The following EIF4G3 variants were observed in gnomAD, a reference collection of about 807,000 sequenced individuals.
The protein encoded by EIF4G3 is eukaryotic translation initiation factor 4 gamma 3, also known as eIF-4-gamma 3.
Under a neutral mutation model 186.4 loss-of-function variants are expected in EIF4G3, and 34 were observed. The observed-to-expected ratio is 0.18, with a 90% CI of 0.14 to 0.24. EIF4G3 has a LOEUF of 0.24. EIF4G3 is among the 10% of genes least tolerant of loss of function. The pLI is 1.00. For missense variants in EIF4G3, 1,536 were observed against 1,948.5 expected, an observed-to-expected ratio of 0.79 and a Z score of 3.99; for synonymous variants, 673 against 679.5, an observed-to-expected ratio of 0.99 and a Z score of 0.15.
intron 14 of EIF4G3, among the ~76,000 whole-genome samples, chr1:20,925,875 C>T (rs765573720): frequency 6.6e-5 from 10 of 152,124 alleles, no homozygotes; most frequent in African/African-American, 2.2e-4. Flanking sequence ...AAGGTGATTC[C>T]GAGGTTACAT....
In EIF4G3 at chr1:20,978,526, G is replaced by A. The variant is rs190623199; in HGVS notation, c.493+1808C>T. On this transcript the variant is annotated intron_variant, in intron 10 of 36. Transcript: ENST00000602326. ...GATTCCAGAAATTAACAATTCATAA[G>A]ATTTAAATTGCAAGCCATTCTGAAT... 2.0e-5 allele frequency among the ~76,000 whole-genome samples: 3 copies of A among 152,182 alleles called. No individual in the cohort carries two copies. The East Asian group carries it at 5.8e-4, about 29-fold the overall frequency.
intron 34 of EIF4G3, among the ~76,000 whole-genome samples, chr1:20,814,756 T>TCC (rs771917267): frequency 1.7e-4 from 4 of 23,656 alleles, no homozygotes; most frequent in African/African-American, 3.6e-4. Context: ...CATCTCCCCC[T>TCC]CCCCCTCCCC....
intron 2 of EIF4G3, among the ~76,000 whole-genome samples, chr1:21,145,160 T>C (rs1391034970): frequency 6.6e-6 from 1 of 152,144 alleles, no homozygotes; most frequent in Non-Finnish European, 1.5e-5. Context: ...TCAGTGTATT[T>C]AGTATTTTGC....
At chr1:20,913,800 A>ATTTTTT (rs68098768) in intron 14 of EIF4G3, among the ~76,000 whole-genome samples, 20 of 75,686 alleles carry the variant, frequency 2.6e-4, no homozygotes, top group African/African-American at 3.7e-4. Flanking sequence ...AATTATTAGA[A>ATTTTTT]TTTTTTTTTT....
At chr1:20,941,190 C>G in intron 14 of EIF4G3, 3 of 1,486,130 alleles carry the variant, frequency 2.0e-6, no homozygotes, top group Non-Finnish European at 2.7e-6. Context: ...CATTGAGAAA[C>G]CAATTCATAT....
intron 13 of EIF4G3, among the ~76,000 whole-genome samples, chr1:20,944,234 G>T (rs1307503392): frequency 6.6e-6 from 1 of 151,940 alleles, no homozygotes; most frequent in African/African-American, 2.4e-5. Context: ...TAAAAATAGG[G>T]CAGGGTGTGA....
chr1:21,131,838 C>T (rs1051431410), intron 2 of EIF4G3, among the ~76,000 whole-genome samples: 2 of 151,918 alleles, frequency 1.3e-5, no homozygotes, highest in Non-Finnish European at 2.9e-5. Context: ...CAGGTGTGGT[C>T]ATGTGTGCCT....
chr1:20,964,659 T>C (rs2074212389), intron 12 of EIF4G3, among the ~76,000 whole-genome samples: 1 of 152,218 alleles, frequency 6.6e-6, no homozygotes, highest in African/African-American at 2.4e-5. Context: ...GCATCCACTT[T>C]TAGGGCTAGC....
rs752588872 is a variant in EIF4G3, at chr1:21,090,323, TTAAAG to T, written c.-271-1115_-271-1111del. ...ATTTGATGGTTAAAGACTCTGATTATTAAAGTACTCACTACATACATGCTACAACA... is the reference window on the plus strand; with the variant it reads ...ATTTGATGGTTAAAGACTCTGATTATTACTCACTACATACATGCTACAACA... On this transcript the variant is annotated intron_variant, in intron 2 of 36. Transcript: ENST00000602326. 3.9e-5 allele frequency among the ~76,000 whole-genome samples: 6 copies of T among 152,350 alleles called. No homozygotes were observed. In the East Asian group the frequency reaches 1.2e-3, roughly 29 times the overall value.
At chr1:20,999,185 A>T (rs1378644529) in intron 6 of EIF4G3, among the ~76,000 whole-genome samples, 2 of 152,214 alleles carry the variant, frequency 1.3e-5, no homozygotes, top group Admixed American at 1.3e-4. Context: ...TTAATGACCT[A>T]CAAGCTTGGG....
chr1:21,164,021 G>A (rs981533071), intron 2 of EIF4G3, among the ~76,000 whole-genome samples: 18 of 152,050 alleles, frequency 1.2e-4, no homozygotes, highest in Admixed American at 3.9e-4. Context: ...TGATCTGCCC[G>A]CCTCAGCCTC....
intron 3 of EIF4G3, among the ~76,000 whole-genome samples, chr1:21,058,711 C>A (rs2094699812): frequency 8.1e-6 from 1 of 122,740 alleles, no homozygotes; most frequent in East Asian, 2.6e-4. Flanking sequence ...CTTCTTCTCT[C>A]TCTCTCTCTT....
chr1:20,863,445 C>T (rs7415399), intron 22 of EIF4G3, among the ~76,000 whole-genome samples: 1,436 of 118,952 alleles, frequency 0.012, 4 homozygotes, highest in Non-Finnish European at 0.02. Flanking sequence ...TTTTTTTTTT[C>T]CTTTTTTTTT....
rs191086676 is a variant in EIF4G3, at chr1:20,860,356, C to G, written c.3244+29G>C. 1.4e-4 allele frequency: 227 copies of G among 1,613,128 alleles called. 4 individuals are homozygous for G. In the Admixed American group the frequency reaches 3.8e-3, roughly 27 times the overall value. On this transcript the variant is annotated intron_variant, in intron 24 of 36. Coordinates refer to ENST00000602326, the MANE Select transcript of EIF4G3 (RefSeq NM_001391906.1). ...TATGTATTCCTGAAACTTCCAAGTTCTCTAAACCCTGGTGGATTCCGGCCT... is the reference window on the plus strand; with the variant it reads ...TATGTATTCCTGAAACTTCCAAGTTGTCTAAACCCTGGTGGATTCCGGCCT...
intron 16 of EIF4G3, 42 bp downstream of exon 16, chr1:20,899,654 TA>T (rs2089638106): frequency 6.2e-7 from 1 of 1,605,042 alleles, no homozygotes. Context: ...AAGGTTGCAG[TA>T]GAGGGATAAA....
intron 2 of EIF4G3, among the ~76,000 whole-genome samples, chr1:21,140,420 C>A (rs911869233): frequency 6.6e-6 from 1 of 152,082 alleles, no homozygotes; most frequent in Non-Finnish European, 1.5e-5. Context: ...TTCAAGTGGG[C>A]CTCCCGCCTC....
intron 20 of EIF4G3, among the ~76,000 whole-genome samples, chr1:20,878,715 A>G (rs1407092932): frequency 6.6e-6 from 1 of 152,228 alleles, no homozygotes; most frequent in Non-Finnish European, 1.5e-5. Context: ...AAAACAGATG[A>G]TACATGGCAG....
chr1:20,961,297 C>T (rs553688356), intron 12 of EIF4G3, among the ~76,000 whole-genome samples: 1 of 152,148 alleles, frequency 6.6e-6, no homozygotes, highest in African/African-American at 2.4e-5. Context: ...GCAGGAGAAT[C>T]GCTTGAACCA....
At chr1:21,125,167 T>C (rs976203312) in intron 2 of EIF4G3, among the ~76,000 whole-genome samples, 5 of 152,146 alleles carry the variant, frequency 3.3e-5, no homozygotes, top group African/African-American at 9.7e-5. Context: ...ACAATGTTAG[T>C]GTGTAAAAAA....
Sources: allele counts gnomAD v4.1 joint callset (sites outside exome capture counted in the v4.1 genomes callset), GRCh38; gene constraint gnomAD v4.1.1; transcripts MANE v1.5; gene names NCBI Gene and HGNC (gene_info 2026-07-23, HGNC 2026-07-21).